Variants in TNRC6A observed in about 807,000 individuals in gnomAD.
TNRC6A encodes trinucleotide repeat-containing gene 6A protein.
Under a neutral mutation model 221.2 loss-of-function variants are expected in TNRC6A, and 44 were observed. The ratio of observed to expected loss-of-function variants is 0.20; its 90% CI spans 0.16 to 0.26. TNRC6A has a LOEUF of 0.26. TNRC6A is among the 10% of genes least tolerant of loss of function. The pLI is 1.00. For synonymous variants in TNRC6A, 847 were observed against 838.5 expected (o/e 1.01, Z -0.18); for missense variants, 2,199 against 2,404.4 (o/e 0.91, Z 1.79).
rs150156492 is a variant in TNRC6A at position 24,714,459 on chromosome 16, C to T, written n.403-36267C>T. 2.3e-4 allele frequency among the ~76,000 whole-genome samples: 35 copies of T among 151,936 alleles called. No homozygotes were observed. In the East Asian group the frequency reaches 2.9e-3, roughly 13 times the overall value. On this transcript the variant is annotated intron_variant and non_coding_transcript_variant, in intron 2 of 2. Coordinates refer to the TNRC6A transcript ENST00000566108. ...GAGTAGCTGGGACTACAGGTGCCCA[C>T]CACCAAACCCGGCTAATTTTTTTTT...
intron 3 of TNRC6A, among the ~76,000 whole-genome samples, chr16:24,756,642 A>T (rs1235994383): frequency 6.6e-6 from 1 of 152,140 alleles, no homozygotes; most frequent in Non-Finnish European, 1.5e-5. Flanking sequence ...TAAAAGAGCA[A>T]CATGGTATAC....
chr16:24,771,227 T>C (rs1191159604), intron 4 of TNRC6A, among the ~76,000 whole-genome samples: 1 of 152,226 alleles, frequency 6.6e-6, no homozygotes, highest in Non-Finnish European at 1.5e-5. Flanking sequence ...TTATGGTAAA[T>C]GTATATACAA....
upstream of TNRC6A, among the ~76,000 whole-genome samples, chr16:24,727,710 C>G (rs1321986208): frequency 3.9e-5 from 6 of 152,074 alleles, no homozygotes; most frequent in Non-Finnish European, 8.8e-5. Flanking sequence ...TATTCCTAAA[C>G]CTGGTATGAA....
chr16:24,731,273 A>G (rs2056634323), intron 2 of TNRC6A, among the ~76,000 whole-genome samples: 1 of 151,918 alleles, frequency 6.6e-6, no homozygotes, highest in Non-Finnish European at 1.5e-5. Context: ...TTTGCTCTTG[A>G]TGATTGCGGG....
chr16:24,638,075 A>G (rs2141727166), intron 1 of TNRC6A, among the ~76,000 whole-genome samples: 1 of 152,226 alleles, frequency 6.6e-6, no homozygotes, highest in South Asian at 2.1e-4. Flanking sequence ...GTGAGCCACC[A>G]TGCCTGACTG....
At chr16:24,788,092 G>A (rs2058013436) in intron 5 of TNRC6A, among the ~76,000 whole-genome samples, 1 of 152,136 alleles carries the variant, frequency 6.6e-6, no homozygotes, top group East Asian at 1.9e-4. Context: ...AAGAATCTGG[G>A]GAACTATTCA....
intron 18 of TNRC6A, among the ~76,000 whole-genome samples, chr16:24,811,524 G>A (rs1466105505): frequency 6.6e-6 from 1 of 152,154 alleles, no homozygotes; most frequent in Admixed American, 6.6e-5. Context: ...AAGTCAGGCA[G>A]GCAGAGGTGA....
intron 2 of TNRC6A, chr16:24,641,108 T>C (rs1300673253): frequency 1.3e-5 from 2 of 152,148 alleles, no homozygotes; most frequent in African/African-American, 2.4e-5. Flanking sequence ...CACTCAAAAT[T>C]CTGACAAGTT....
intron 4 of TNRC6A, among the ~76,000 whole-genome samples, chr16:24,761,605 G>A (rs554859918): frequency 2.0e-5 from 3 of 151,808 alleles, no homozygotes; most frequent in African/African-American, 7.2e-5. Flanking sequence ...GGAGTGTAGT[G>A]CACAATCATA....
chr16:24,801,041 A>C lies in TNRC6A; in HGVS notation c.3694+3075A>C, dbSNP rs890157812. On this transcript the variant is annotated intron_variant, in intron 11 of 24. Transcript: ENST00000395799. Reference sequence around the variant, plus strand: ...CAATAAATGGTCATTATTTGAGTTAAGAAATACAGGAATAGCAGGCTTGAT... The same window carrying C: ...CAATAAATGGTCATTATTTGAGTTACGAAATACAGGAATAGCAGGCTTGAT... Among the ~76,000 whole-genome samples, 4 of 152,354 alleles carry C rather than the reference A, an allele frequency of 2.6e-5. No homozygotes were observed. In the East Asian group the frequency reaches 5.8e-4, roughly 22 times the overall value.
At chr16:24,743,672 A>G (rs1342828468) in intron 2 of TNRC6A, among the ~76,000 whole-genome samples, 1 of 152,224 alleles carries the variant, frequency 6.6e-6, no homozygotes, top group Non-Finnish European at 1.5e-5. Flanking sequence ...AGAACAAAGA[A>G]CTTCTGAATA....
chr16:24,654,202 A>G (rs1354256645), intron 2 of TNRC6A, among the ~76,000 whole-genome samples: 1 of 152,208 alleles, frequency 6.6e-6, no homozygotes, highest in African/African-American at 2.4e-5. Flanking sequence ...CTGGGATTAC[A>G]GGTGTGACCC....
chr16:24,776,848 T>TA, intron 4 of TNRC6A, 85 bp from the exon 5 acceptor site: 1 of 1,524,776 alleles, frequency 6.6e-7, no homozygotes, highest in Non-Finnish European at 8.8e-7. Context: ...TTATTTTTCT[T>TA]AGTGCCTTTG....
chr16:24,791,155 G>A lies in TNRC6A; in HGVS notation c.2513G>A (p.Gly838Glu), dbSNP rs756113736. The A allele has an allele frequency of 1.2e-6, 2 of 1,613,982 alleles. No homozygotes were observed. Among genetic ancestry groups the A allele is most frequent in the Non-Finnish European group, 1.7e-6 (2 of 1,180,016 alleles). The change falls in exon 6 of 25, where the codon GGA becomes GAA. Residue 838 changes from glycine to glutamate, a missense_variant. Physicochemically the swap from Gly to Glu is moderately conservative, Grantham distance 98. Transcript: ENST00000395799. ...AATGACTCGCAAAAGAATAAACAGGGATGGGGTGATGGACAAAAATCAAGC... is the reference window on the plus strand; with the variant it reads ...AATGACTCGCAAAAGAATAAACAGGAATGGGGTGATGGACAAAAATCAAGC... ...AWNDSQKNKQGWGDGQKSSQG... is the reference protein window; with the variant it reads ...AWNDSQKNKQEWGDGQKSSQG...
intron 2 of TNRC6A, among the ~76,000 whole-genome samples, chr16:24,645,364 G>A (rs534868827): frequency 4.6e-5 from 7 of 152,036 alleles, no homozygotes; most frequent in South Asian, 4.2e-4. Context: ...AAATTAGTCC[G>A]GTGGTAGTGG....
rs767913323 is a variant in TNRC6A, at chr16:24,823,038, T to C, written c.5513+25T>C. On this transcript the variant is annotated intron_variant, in intron 24 of 24. Coordinates refer to ENST00000395799, the MANE Select transcript of TNRC6A (RefSeq NM_014494.4). The surrounding 1 kb of genome is among the most constrained non-coding windows in gnomAD (Gnocchi z 4.3). ...TGTAAGTTGGCTGTTGGGCTCCCAGTTGGAAGAGTCTAGGGGAAGGAGTGT... is the reference window on the plus strand; with the variant it reads ...TGTAAGTTGGCTGTTGGGCTCCCAGCTGGAAGAGTCTAGGGGAAGGAGTGT... The C allele has an allele frequency of 5.6e-6, 9 of 1,614,046 alleles. No individual in the cohort carries two copies. Among genetic ancestry groups the C allele is most frequent in the Non-Finnish European group, 7.6e-6 (9 of 1,179,952 alleles).
At chr16:24,795,630 T>G in intron 8 of TNRC6A, 2 of 370,944 alleles carry the variant, frequency 5.4e-6, no homozygotes, top group Non-Finnish European at 4.8e-6. Flanking sequence ...GGACCTGCCA[T>G]TTTCATTTTT....
chr16:24,643,783 T>C (rs1199973184), intron 2 of TNRC6A, among the ~76,000 whole-genome samples: 2 of 144,798 alleles, frequency 1.4e-5, no homozygotes, highest in East Asian at 2.4e-4. Flanking sequence ...ACACGGACAC[T>C]GATCCTATGC....
At chr16:24,732,052 C>T (rs1183555187) in intron 2 of TNRC6A, among the ~76,000 whole-genome samples, 4 of 152,162 alleles carry the variant, frequency 2.6e-5, no homozygotes, top group African/African-American at 9.7e-5. Flanking sequence ...TCAAAAGATA[C>T]CATCCCATTC....
Sources: allele counts gnomAD v4.1 joint callset (sites outside exome capture counted in the v4.1 genomes callset), GRCh38; gene constraint gnomAD v4.1.1; non-coding constraint Gnocchi (gnomAD v3.1); transcripts MANE v1.5; gene names NCBI Gene and HGNC (gene_info 2026-07-23, HGNC 2026-07-21).